The following IFT43 variants were observed in gnomAD, a reference collection of about 807,000 sequenced individuals.
IFT43 encodes the protein intraflagellar transport 43.
In IFT43, 33 loss-of-function variants were observed where a neutral mutation model predicts 32.3. That is an observed-to-expected ratio of 1.02 (90% confidence interval 0.77 to 1.37). The LOEUF is 1.37. Among genes scored for constraint, IFT43 ranks in the 40% most tolerant of loss-of-function variants. The pLI, the probability that IFT43 is intolerant of heterozygous loss-of-function variation, is 0.00. For missense variants in IFT43, 274 were observed against 265.9 expected (o/e 1.03, Z -0.21); for synonymous variants, 93 against 98.2 (o/e 0.95, Z 0.31).
chr14:76,040,996 T>C (rs941816469), intron 3 of IFT43, among the ~76,000 whole-genome samples: 3 of 152,228 alleles, frequency 2.0e-5, no homozygotes, highest in Non-Finnish European at 4.4e-5. Context: ...CCCAACTGCC[T>C]GTGGGCTGGC....
intron 2 of IFT43, among the ~76,000 whole-genome samples, chr14:75,997,439 T>C (rs1012129755): frequency 4.6e-5 from 7 of 152,276 alleles, no homozygotes; most frequent in Non-Finnish European, 7.3e-5. Flanking sequence ...CCTTGTCTTT[T>C]ATTGCTGCAT....
chr14:76,059,995 C>A (rs2037099496), intron 5 of IFT43, among the ~76,000 whole-genome samples: 1 of 152,146 alleles, frequency 6.6e-6, no homozygotes, highest in South Asian at 2.1e-4. Flanking sequence ...TGGCAGACAA[C>A]ACATGTTCTT....
chr14:76,032,341 G>A (rs906419460), intron 3 of IFT43, among the ~76,000 whole-genome samples: 1 of 152,182 alleles, frequency 6.6e-6, no homozygotes, highest in Non-Finnish European at 1.5e-5. Flanking sequence ...CATAACCAGA[G>A]TGACTCTTTT....
chr14:76,049,811 A>C (rs2036880270), intron 3 of IFT43, among the ~76,000 whole-genome samples: 1 of 150,682 alleles, frequency 6.6e-6, no homozygotes, highest in Admixed American at 6.6e-5. Flanking sequence ...AGGTCTCTAT[A>C]TGTGGGCATA....
Position 76,073,265 on chromosome 14 carries a change from C to T in IFT43, c.296-9030C>T, listed in dbSNP as rs555470312. On this transcript the variant is annotated intron_variant, in intron 5 of 8. Transcript: ENST00000314067. Reference sequence around the variant, plus strand: ...AATAGAAGGCTGTGGTTCATTTCTCCGTTTGAAGGCTGGCAGGTAGCTGTT... The same window carrying T: ...AATAGAAGGCTGTGGTTCATTTCTCTGTTTGAAGGCTGGCAGGTAGCTGTT... Among the ~76,000 whole-genome samples the T allele has an allele frequency of 4.6e-5, 7 of 152,252 alleles. No homozygotes were observed. The East Asian group carries it at 7.7e-4, about 17-fold the overall frequency.
intron 3 of IFT43, among the ~76,000 whole-genome samples, chr14:76,048,317 A>G (rs1157623495): frequency 2.0e-5 from 3 of 152,236 alleles, no homozygotes; most frequent in African/African-American, 7.2e-5. Flanking sequence ...TTCCAAGGAA[A>G]AAAGTTGTGT....
chr14:76,040,994 C>T (rs887591513), intron 3 of IFT43, among the ~76,000 whole-genome samples: 2 of 152,224 alleles, frequency 1.3e-5, no homozygotes, highest in Admixed American at 6.5e-5. Context: ...TTCCCAACTG[C>T]CTGTGGGCTG....
At chr14:75,996,597 T>C (rs1463545340) in intron 2 of IFT43, among the ~76,000 whole-genome samples, 1 of 152,258 alleles carries the variant, frequency 6.6e-6, no homozygotes, top group Non-Finnish European at 1.5e-5. Flanking sequence ...TCAGTAAGAA[T>C]TCTTTGTGCC....
At position 76,083,529 on chromosome 14, in the gene IFT43, A is replaced by G. The variant is rs772356410; in HGVS notation, c.579A>G (p.Pro193=). The change falls in exon 9 of 9, where the codon CCA becomes CCG. Residue 193 remains proline (P), a synonymous_variant. Coordinates refer to ENST00000314067, the MANE Select transcript of IFT43 (RefSeq NM_001102564.3). ...CAGAGGTCCTCACTGAGTGGGACCC[A>G]CTGCAGACGGAGAAGGAGGACCCTG... The part of the protein sequence containing the change: ...VSSEVLTEWD[P]LQTEKEDPAG... The G allele has an allele frequency of 1.1e-5, 18 of 1,614,032 alleles. No individual in the cohort carries two copies. In the Admixed American group the frequency reaches 2.8e-4, roughly 25 times the overall value.
At chr14:76,054,233 G>C (rs1249542618) in intron 3 of IFT43, among the ~76,000 whole-genome samples, 1 of 152,194 alleles carries the variant, frequency 6.6e-6, no homozygotes, top group Non-Finnish European at 1.5e-5. Context: ...GTGCACCACT[G>C]TTGAAGAATG....
At chr14:76,041,826 A>G (rs1426368575) in intron 3 of IFT43, among the ~76,000 whole-genome samples, 2 of 152,192 alleles carry the variant, frequency 1.3e-5, no homozygotes, top group Non-Finnish European at 2.9e-5. Flanking sequence ...CAGTAAGTAC[A>G]TCCTAGAGAT....
rs141858613 is a variant in IFT43 at position 76,030,123 on chromosome 14, G to A, written c.215+7729G>A. Among the ~76,000 whole-genome samples the A allele has an allele frequency of 4.3e-3, 654 of 151,964 alleles. 4 individuals are homozygous for A. The highest frequency in any genetic ancestry group is 0.015 in the African/African-American group (625 of 41,430). On this transcript the variant is annotated intron_variant, in intron 3 of 8. Coordinates refer to ENST00000314067, the MANE Select transcript of IFT43 (RefSeq NM_001102564.3). The stretch of plus-strand genomic sequence containing the variant: ...GGCTGGTCTCAAACTCCTGGCAATC[G>A]TCCTACTTTGGCCTCCCCAAGTGCT...
intron 2 of IFT43, among the ~76,000 whole-genome samples, chr14:76,021,230 C>G (rs2036285155): frequency 6.6e-6 from 1 of 152,058 alleles, no homozygotes; most frequent in African/African-American, 2.4e-5. Context: ...ATCCCCAAGC[C>G]TCTTAGACAC....
intron 2 of IFT43, among the ~76,000 whole-genome samples, chr14:75,997,940 C>G (rs1223307517): frequency 1.3e-5 from 2 of 152,090 alleles, no homozygotes; most frequent in Non-Finnish European, 2.9e-5. Flanking sequence ...ATACTCGTTG[C>G]ACTTAAGATA....
intron 2 of IFT43, among the ~76,000 whole-genome samples, chr14:75,993,391 G>A (rs981757978): frequency 1.3e-5 from 2 of 152,212 alleles, no homozygotes; most frequent in African/African-American, 4.8e-5. Context: ...GGCTGGTGCT[G>A]CAGCTGCTGA....
In IFT43 at chr14:75,988,984, G is replaced by A. The variant is rs779357326; in HGVS notation, c.147+7G>A. 6.2e-7 allele frequency: 1 copy of A among 1,613,378 alleles called. No homozygotes were observed. Among genetic ancestry groups the A allele is most frequent in the Non-Finnish European group, 8.5e-7 (1 of 1,179,830 alleles). ...TTTGACTCTGACTGGAGAGGTGGGT[G>A]CTAAAAAAAAAGAAAATCTGAAGAA... On this transcript the variant is annotated splice_region_variant and intron_variant, in intron 2 of 8. Coordinates refer to ENST00000314067, the MANE Select transcript of IFT43 (RefSeq NM_001102564.3).
At chr14:76,006,509 C>T (rs995642257) in intron 2 of IFT43, among the ~76,000 whole-genome samples, 27 of 152,106 alleles carry the variant, frequency 1.8e-4, no homozygotes, top group African/African-American at 6.5e-4. Context: ...TGTTTTAACA[C>T]TGGTGTATGC....
At chr14:76,037,691 GTTT>G (rs34567798) in intron 3 of IFT43, among the ~76,000 whole-genome samples, 1 of 146,896 alleles carries the variant, frequency 6.8e-6, no homozygotes, top group Non-Finnish European at 1.5e-5. Flanking sequence ...CTCATTCTCT[GTTT>G]TTTTTTTTTT....
At chr14:76,030,361 C>T (rs144965793) in intron 3 of IFT43, among the ~76,000 whole-genome samples, 33 of 152,192 alleles carry the variant, frequency 2.2e-4, no homozygotes, top group Admixed American at 1.8e-3. Context: ...TGCTTTTCAA[C>T]GCAGCAAGAT....
Sources: allele counts gnomAD v4.1 joint callset (sites outside exome capture counted in the v4.1 genomes callset), GRCh38; gene constraint gnomAD v4.1.1; transcripts MANE v1.5; gene names NCBI Gene and HGNC (gene_info 2026-07-23, HGNC 2026-07-21).